DPP10: variants seen among roughly 807,000 people sequenced by gnomAD.
The protein encoded by DPP10 is dipeptidyl peptidase like 10.
A neutral mutation model predicts 120.9 loss-of-function variants in DPP10; 33 were observed. That is an observed-to-expected ratio of 0.27 (90% confidence interval 0.21 to 0.37). DPP10 has a LOEUF of 0.37. DPP10 is among the 10% of genes least tolerant of loss of function. DPP10 has a pLI of 1.00. For synonymous variants in DPP10, 337 were observed against 326.1 expected (o/e 1.03, Z -0.36); for missense variants, 816 against 942.8 (o/e 0.87, Z 1.76).
At chr2:114,867,835 A>G (rs1690364466) in intron 1 of DPP10, among the ~76,000 whole-genome samples, 1 of 152,194 alleles carries the variant, frequency 6.6e-6, no homozygotes, top group Non-Finnish European at 1.5e-5. Flanking sequence ...GTCACCAGAA[A>G]AGGTCACTGG....
intron 3 of DPP10, among the ~76,000 whole-genome samples, chr2:115,488,997 G>A (rs2075940846): frequency 6.6e-6 from 1 of 151,876 alleles, no homozygotes; most frequent in African/African-American, 2.4e-5. Flanking sequence ...CAAAAGAACA[G>A]TCTTTTAGTT....
At position 114,776,763 on chromosome 2, in the gene DPP10, G is replaced by C. The variant is rs190400330; in HGVS notation, c.60+333925G>C. Reference sequence around the variant, plus strand: ...GTTGTAGTGATTTAAATTAAATAAAGTTAGTGCAGATTATAAGAATTGATG... The same window carrying C: ...GTTGTAGTGATTTAAATTAAATAAACTTAGTGCAGATTATAAGAATTGATG... On this transcript the variant is annotated intron_variant, in intron 1 of 25. Transcript: ENST00000410059. Among the ~76,000 whole-genome samples the C allele has an allele frequency of 1.2e-4, 18 of 152,170 alleles. No individual in the cohort carries two copies. In the East Asian group the frequency reaches 3.5e-3, roughly 29 times the overall value.
intron 19 of DPP10, among the ~76,000 whole-genome samples, chr2:115,804,676 C>A (rs185661984): frequency 0.012 from 1,881 of 152,248 alleles, 43 homozygotes; most frequent in African/African-American, 0.041. Context: ...GCAGGTCTGT[C>A]GGAGTTTACT....
At chr2:114,497,283 G>T (rs1414566712) in intron 1 of DPP10, among the ~76,000 whole-genome samples, 1 of 60,824 alleles carries the variant, frequency 1.6e-5, no homozygotes. Flanking sequence ...ATGTATACGT[G>T]TATACATGTA....
At chr2:115,815,973 A>T (rs1687184293) in intron 21 of DPP10, among the ~76,000 whole-genome samples, 1 of 151,706 alleles carries the variant, frequency 6.6e-6, no homozygotes, top group African/African-American at 2.4e-5. Context: ...ATTTGTATGT[A>T]TACATATGTA....
intron 5 of DPP10, among the ~76,000 whole-genome samples, chr2:115,598,778 G>T (rs2083140376): frequency 1.4e-5 from 2 of 146,786 alleles, no homozygotes; most frequent in African/African-American, 2.5e-5. Flanking sequence ...CTTTTCATCT[G>T]GTATAATTTC....
At chr2:115,052,238 A>G (rs1385260424) in intron 1 of DPP10, among the ~76,000 whole-genome samples, 2 of 152,186 alleles carry the variant, frequency 1.3e-5, no homozygotes. Context: ...AAAAGAAAAT[A>G]TACGTGCAAA....
chr2:115,502,748 A>G (rs893552035), intron 4 of DPP10, among the ~76,000 whole-genome samples: 1 of 152,118 alleles, frequency 6.6e-6, no homozygotes, highest in Non-Finnish European at 1.5e-5. Flanking sequence ...GCTGGGATGC[A>G]GTGGTGCAAT....
At chr2:115,521,114 G>A (rs946189605) in intron 4 of DPP10, among the ~76,000 whole-genome samples, 4 of 152,114 alleles carry the variant, frequency 2.6e-5, no homozygotes, top group Non-Finnish European at 2.9e-5. Flanking sequence ...TAAGGAAAAG[G>A]GAAAGGTGAA....
intron 1 of DPP10, among the ~76,000 whole-genome samples, chr2:114,916,585 A>G (rs1019881566): frequency 2.0e-5 from 3 of 152,206 alleles, no homozygotes; most frequent in Admixed American, 6.5e-5. Context: ...ACAAAATACA[A>G]GAAAATCAAC....
chr2:114,816,107 C>G (rs1023947201), intron 1 of DPP10, among the ~76,000 whole-genome samples: 7 of 152,158 alleles, frequency 4.6e-5, no homozygotes, highest in Admixed American at 1.3e-4. Flanking sequence ...ACAGTCTTGA[C>G]CATGCACACC....
At chr2:115,662,169 T>C (rs1302101521) in intron 5 of DPP10, among the ~76,000 whole-genome samples, 1 of 152,230 alleles carries the variant, frequency 6.6e-6, no homozygotes, top group Non-Finnish European at 1.5e-5. Context: ...CCTTCAGGTT[T>C]ATCCATTTTG....
At chr2:115,450,738 A>G (rs750183831) in intron 3 of DPP10, among the ~76,000 whole-genome samples, 1 of 151,750 alleles carries the variant, frequency 6.6e-6, no homozygotes, top group African/African-American at 2.4e-5. Flanking sequence ...AAGCTGCTAA[A>G]CCATTTTTTG....
chr2:115,801,283 T>G (rs904713224), intron 19 of DPP10, among the ~76,000 whole-genome samples: 2 of 152,194 alleles, frequency 1.3e-5, no homozygotes, highest in Non-Finnish European at 2.9e-5. Flanking sequence ...GTACATTGAT[T>G]TTGTATGCTG....
chr2:115,746,050 T>C (rs1677929065), intron 9 of DPP10, 36 bp from the exon 10 acceptor site: 1 of 1,435,524 alleles, frequency 7.0e-7, no homozygotes, highest in Non-Finnish European at 9.7e-7. Flanking sequence ...TTCTAATGCT[T>C]AATGTACTTG....
intron 1 of DPP10, among the ~76,000 whole-genome samples, chr2:114,449,800 G>A (rs1378258354): frequency 1.3e-5 from 2 of 152,086 alleles, no homozygotes. Flanking sequence ...TGTATAGTGA[G>A]AATCAATTTT....
chr2:114,832,579 A>G (rs1158585511), intron 1 of DPP10, among the ~76,000 whole-genome samples: 1 of 152,240 alleles, frequency 6.6e-6, no homozygotes, highest in African/African-American at 2.4e-5. Context: ...ATTACCTTTA[A>G]CTTAGTATGA....
chr2:114,466,503 T>C (rs1259268095), intron 1 of DPP10, among the ~76,000 whole-genome samples: 1 of 152,170 alleles, frequency 6.6e-6, no homozygotes, highest in African/African-American at 2.4e-5. Flanking sequence ...GTTTCCGGGA[T>C]TTGAATCTGT....
At chr2:115,367,492 G>A (rs550549249) in intron 3 of DPP10, among the ~76,000 whole-genome samples, 1 of 151,910 alleles carries the variant, frequency 6.6e-6, no homozygotes, top group South Asian at 2.1e-4. Flanking sequence ...AGCTAACCAG[G>A]CACAATTTTA....
Sources: allele counts gnomAD v4.1 joint callset (sites outside exome capture counted in the v4.1 genomes callset), GRCh38; gene constraint gnomAD v4.1.1; transcripts MANE v1.5; gene names NCBI Gene and HGNC (gene_info 2026-07-23, HGNC 2026-07-21).